The following C4orf17 variants were observed in gnomAD, a reference collection of about 807,000 sequenced individuals.
The protein encoded by C4orf17 is uncharacterized protein C4orf17.
C4orf17 carries 25 observed loss-of-function variants against 32.0 expected under a neutral mutation model. The observed-to-expected ratio is 0.78, with a 90% CI of 0.57 to 1.09. C4orf17 has a LOEUF of 1.09. Among genes scored for constraint, C4orf17 ranks in the 50% least tolerant of loss-of-function variants. The probability of loss-of-function intolerance (pLI) is 0.00; values close to 1 mark genes in which losing one functional copy is unlikely to be tolerated. For synonymous variants in C4orf17, 149 were observed against 145.8 expected, an observed-to-expected ratio of 1.02 and a Z score of -0.16; for missense variants, 420 against 420.0, an observed-to-expected ratio of 1.00 and a Z score of 0.00.
chr4:99,511,921 T>TTA (rs1405248200), intron 1 of C4orf17, among the ~76,000 whole-genome samples: 2 of 152,174 alleles, frequency 1.3e-5, no homozygotes, highest in Non-Finnish European at 2.9e-5. Flanking sequence ...ATTTTAGTAT[T>TTA]TATATATATC....
At position 99,524,510 on chromosome 4, in the gene C4orf17, T is replaced by C; in HGVS notation, c.338-11T>C. 6.4e-7 allele frequency: 1 copy of C among 1,554,824 alleles called. No individual in the cohort carries two copies. Among genetic ancestry groups the C allele is most frequent in the Non-Finnish European group, 8.8e-7 (1 of 1,130,770 alleles). On this transcript the variant is annotated splice_polypyrimidine_tract_variant and intron_variant, in intron 3 of 8. Transcript: ENST00000326581. ...TTAATCTAAATACATTTTTCCTCAA[T>C]TTTATTTCAGAGCCCAGTAGAAAAA...
chr4:99,516,741 G>C (rs558690809), intron 2 of C4orf17, among the ~76,000 whole-genome samples: 102 of 152,202 alleles, frequency 6.7e-4, no homozygotes, highest in Non-Finnish European at 1.2e-3. Flanking sequence ...GGGTGGAGAA[G>C]TGGATAAGAG....
At position 99,522,403 on chromosome 4, in the gene C4orf17, T is replaced by C. The variant is rs909846995; in HGVS notation, c.128-97T>C. Reference sequence around the variant, plus strand: ...TCAACATTTTACATACATTTAATGATATTTGGTTGGGAAATTGTTGATCAT... The same window carrying C: ...TCAACATTTTACATACATTTAATGACATTTGGTTGGGAAATTGTTGATCAT... On this transcript the variant is annotated intron_variant, in intron 2 of 8. Coordinates refer to ENST00000326581, the MANE Select transcript of C4orf17 (RefSeq NM_032149.3). 6.5e-6 allele frequency: 6 copies of C among 928,832 alleles called. No homozygotes were observed. In the Middle Eastern group the frequency reaches 1.6e-3, roughly 243 times the overall value. The allele number at this position is 928,832 out of a possible 1,614,324, so 57.5% of individuals were successfully genotyped here.
Position 99,541,979 on chromosome 4 carries a change from G to A in C4orf17, c.950G>A (p.Ser317Asn). 2 of 1,613,918 alleles carry A rather than the reference G, an allele frequency of 1.2e-6. No individual in the cohort carries two copies. Among genetic ancestry groups the A allele is most frequent in the Non-Finnish European group, 1.7e-6 (2 of 1,179,938 alleles). The change falls in exon 9 of 9, where the codon AGC becomes AAC. Residue 317 changes from serine to asparagine, a missense_variant. Transcript: ENST00000326581. ...NMKIPVAEYF[S>N]KPNSPPRPNT... ...AAAATACCTGTTGCAGAATATTTCA[G>A]CAAACCAAATTCTCCTCCCAGGCCT...
chr4:99,515,391 T>G (rs1236027846), intron 2 of C4orf17, among the ~76,000 whole-genome samples: 1 of 152,172 alleles, frequency 6.6e-6, no homozygotes, highest in African/African-American at 2.4e-5. Flanking sequence ...TCATGTCCTT[T>G]GTAGGGATAT....
At chr4:99,541,690 G>T (rs150110311) in intron 8 of C4orf17, 89 of 481,662 alleles carry the variant, frequency 1.8e-4, no homozygotes, top group African/African-American at 1.6e-3. Context: ...TTTTGAGAGT[G>T]AAGGAACATA....
intron 7 of C4orf17, among the ~76,000 whole-genome samples, chr4:99,539,604 C>A (rs373989129): frequency 7.2e-5 from 11 of 152,208 alleles, no homozygotes; most frequent in African/African-American, 2.6e-4. Flanking sequence ...ATCTGGTAAC[C>A]TTTCTTTTTA....
intron 5 of C4orf17, 65 bp downstream of exon 5, chr4:99,530,023 C>G: frequency 7.8e-7 from 1 of 1,279,624 alleles, no homozygotes; most frequent in Non-Finnish European, 1.1e-6. Flanking sequence ...AAATTTATAC[C>G]ACTAGCATCC....
intron 2 of C4orf17, among the ~76,000 whole-genome samples, chr4:99,514,853 C>G (rs1317531992): frequency 1.3e-5 from 2 of 152,134 alleles, no homozygotes; most frequent in Non-Finnish European, 2.9e-5. Context: ...ATGGAACCAA[C>G]CTAAGTGCTC....
At position 99,540,417 on chromosome 4, in the gene C4orf17, C is replaced by A. The variant is rs758021944; in HGVS notation, c.842C>A (p.Ser281Ter). Residue 281 changes from serine (S) to a stop codon, truncating the protein, a stop_gained, in exon 8 of 9, where the codon TCA becomes TAA. Transcript: ENST00000326581. LOFTEE classifies it low-confidence loss of function (END_TRUNC). ...TCTTTCTCCAACTGATCTAGAGTGT[C>A]AAGTCAAGGATCTGAAGAAAACAAG... ...DTEGDQPTRV[S>*]SQGSEENKEV... 2 of 1,610,722 alleles carry A rather than the reference C, an allele frequency of 1.2e-6. No individual in the cohort carries two copies. The highest frequency in any genetic ancestry group is 1.1e-5 in the South Asian group (1 of 90,694).
chr4:99,522,449 A>T, intron 2 of C4orf17, 51 bp from the exon 3 acceptor site: 1 of 1,396,740 alleles, frequency 7.2e-7, no homozygotes, highest in Non-Finnish European at 1.0e-6. Context: ...CCTTCCAAAC[A>T]TCTAATCTGG....
At chr4:99,526,416 T>C (rs1210939998) in intron 4 of C4orf17, among the ~76,000 whole-genome samples, 2 of 152,226 alleles carry the variant, frequency 1.3e-5, no homozygotes, top group African/African-American at 4.8e-5. Context: ...TTCTTGTGTC[T>C]ATGAGGAATA....
intron 4 of C4orf17, among the ~76,000 whole-genome samples, chr4:99,527,825 T>C (rs1008280265): frequency 6.6e-6 from 1 of 152,242 alleles, no homozygotes; most frequent in Non-Finnish European, 1.5e-5. Context: ...TAATTGTGGA[T>C]TTTTAAATTT....
At chr4:99,522,370 T>A in intron 2 of C4orf17, 130 bp from the exon 3 acceptor site, 1 of 718,488 alleles carries the variant, frequency 1.4e-6, no homozygotes, top group South Asian at 1.9e-5. Flanking sequence ...GTTTATACAA[T>A]TTGAAGTTCA....
chr4:99,531,273 C>G (rs1206980931), intron 5 of C4orf17, among the ~76,000 whole-genome samples: 1 of 151,970 alleles, frequency 6.6e-6, no homozygotes, highest in Non-Finnish European at 1.5e-5. Flanking sequence ...ATCTTCAGTG[C>G]CTAGGTGAGT....
At chr4:99,541,154 AT>A (rs1210452679) in intron 8 of C4orf17, 1 of 152,290 alleles carries the variant, frequency 6.6e-6, no homozygotes, top group Non-Finnish European at 1.5e-5. Flanking sequence ...ACCAGGAATG[AT>A]ATATAATCAA....
chr4:99,514,419 A>G (rs543489692), intron 2 of C4orf17, among the ~76,000 whole-genome samples: 3 of 152,300 alleles, frequency 2.0e-5, no homozygotes, highest in Admixed American at 1.3e-4. Context: ...AAAAAAACAA[A>G]TAATCCCATC....
chr4:99,522,627 C>T lies in C4orf17; in HGVS notation c.255C>T (p.Ser85=), dbSNP rs61732380. 3 of 1,613,486 alleles carry T rather than the reference C, an allele frequency of 1.9e-6. No individual in the cohort carries two copies. Among genetic ancestry groups the T allele is most frequent in the East Asian group, 2.2e-5 (1 of 44,866 alleles). The part of the protein sequence containing the change: ...RIPFANCSYP[S]STAVQESPVR... The stretch of plus-strand genomic sequence containing the variant: ...CATTTGCCAATTGCAGTTACCCCTC[C>T]AGCACTGCAGTCCAGGAGAGCCCTG... The change falls in exon 3 of 9, where the codon TCC becomes TCT. Residue 85 remains serine (S), a synonymous_variant. Coordinates refer to ENST00000326581, the MANE Select transcript of C4orf17 (RefSeq NM_032149.3).
intron 3 of C4orf17, among the ~76,000 whole-genome samples, chr4:99,523,293 G>T (rs1481896988): frequency 6.6e-6 from 1 of 152,184 alleles, no homozygotes; most frequent in Non-Finnish European, 1.5e-5. Flanking sequence ...AAGGAATTCT[G>T]CATGGTAGAA....
Sources: gnomAD v4.1 joint callset for allele counts (sites outside exome capture counted in the v4.1 genomes callset) on GRCh38, gnomAD v4.1.1 for gene constraint, MANE v1.5 for transcripts, NCBI Gene and HGNC (gene_info 2026-07-23, HGNC 2026-07-21) for gene names.